GRM3: variants seen among roughly 807,000 people sequenced by gnomAD.
The protein encoded by GRM3 is glutamate metabotropic receptor 3.
GRM3 carries 26 observed loss-of-function variants against 70.5 expected under a neutral mutation model. That is an observed-to-expected ratio of 0.37 (90% confidence interval 0.27 to 0.51). The LOEUF (loss-of-function observed/expected upper bound fraction) is 0.51, where lower values mean the gene tolerates loss of function less well. GRM3 is among the 20% of genes least tolerant of loss of function. The pLI is 0.93. For synonymous variants in GRM3, 443 were observed against 434.9 expected, an observed-to-expected ratio of 1.02 and a Z score of -0.23; for missense variants, 859 against 1,123.8, an observed-to-expected ratio of 0.76 and a Z score of 3.37.
chr7:86,805,745 T>C (rs756237575), intron 3 of GRM3, among the ~76,000 whole-genome samples: 3 of 152,200 alleles, frequency 2.0e-5, no homozygotes, highest in Non-Finnish European at 2.9e-5. Context: ...TTGCATCATA[T>C]CTTTTTTATT....
intron 4 of GRM3, among the ~76,000 whole-genome samples, chr7:86,842,209 C>T (rs1432537311): frequency 3.3e-5 from 5 of 152,200 alleles, no homozygotes; most frequent in Non-Finnish European, 7.3e-5. Context: ...AGGATTGAAA[C>T]CCTCAGCTCT....
intron 1 of GRM3, among the ~76,000 whole-genome samples, chr7:86,707,021 T>C (rs993314774): frequency 2.6e-5 from 4 of 151,712 alleles, no homozygotes; most frequent in African/African-American, 9.7e-5. Context: ...GGAAATATAC[T>C]TCCCTAGAAT....
intron 1 of GRM3, among the ~76,000 whole-genome samples, chr7:86,657,900 C>CA (rs1351435095): frequency 6.6e-6 from 1 of 152,112 alleles, no homozygotes; most frequent in African/African-American, 2.4e-5. Flanking sequence ...CCTTCTTCTA[C>CA]AATAGAAAAG....
chr7:86,852,410 G>A (rs1033855594), intron 5 of GRM3, among the ~76,000 whole-genome samples: 1 of 152,092 alleles, frequency 6.6e-6, no homozygotes, highest in Non-Finnish European at 1.5e-5. Context: ...GGGATAGCAA[G>A]GGCACTTTCT....
intron 1 of GRM3, among the ~76,000 whole-genome samples, chr7:86,760,615 C>A (rs557005749): frequency 1.3e-5 from 2 of 152,092 alleles, no homozygotes; most frequent in East Asian, 3.9e-4. Context: ...ATAACAGTGG[C>A]ATTGAATTAA....
rs10276885 is a variant in GRM3, at chr7:86,655,459, C to A, written c.-141+10587C>A. Among the ~76,000 whole-genome samples, 543 of 152,104 alleles carry A rather than the reference C, an allele frequency of 3.6e-3. 2 individuals carry two copies. Among genetic ancestry groups the A allele is most frequent in the African/African-American group, 0.012 (514 of 41,440 alleles). ...GCAAATTTATTTTTATTTCTCACTGCCCCTTTAAAAGGTATTCAGTAAAAT... is the reference window on the plus strand; with the variant it reads ...GCAAATTTATTTTTATTTCTCACTGACCCTTTAAAAGGTATTCAGTAAAAT... On this transcript the variant is annotated intron_variant, in intron 1 of 5. Coordinates refer to ENST00000361669, the MANE Select transcript of GRM3 (RefSeq NM_000840.3).
At chr7:86,650,971 G>A (rs902448254) in intron 1 of GRM3, among the ~76,000 whole-genome samples, 1 of 152,102 alleles carries the variant, frequency 6.6e-6, no homozygotes, top group East Asian at 1.9e-4. Flanking sequence ...TTTACACATC[G>A]GGACATTTAT....
At chr7:86,858,728 G>C (rs1798898350) in intron 5 of GRM3, among the ~76,000 whole-genome samples, 1 of 152,152 alleles carries the variant, frequency 6.6e-6, no homozygotes, top group South Asian at 2.1e-4. Context: ...CATTAAAAAG[G>C]GTCATGACAT....
In GRM3 at chr7:86,671,362, T is replaced by C. The variant is rs1394352938; in HGVS notation, c.-141+26490T>C. On this transcript the variant is annotated intron_variant, in intron 1 of 5. Transcript: ENST00000361669. ...GTTTGTCCTGTCAGATTTTTAATAT[T>C]CAAGGGTAAATAACTGTTCTGTTTC... Among the ~76,000 whole-genome samples the C allele has an allele frequency of 2.6e-5, 4 of 152,222 alleles. No homozygotes were observed. In the East Asian group the frequency reaches 7.7e-4, roughly 29 times the overall value.
intron 1 of GRM3, among the ~76,000 whole-genome samples, chr7:86,693,960 T>G (rs1794752596): frequency 6.6e-6 from 1 of 152,216 alleles, no homozygotes; most frequent in Non-Finnish European, 1.5e-5. Flanking sequence ...TTTACTACAA[T>G]TTCATGTTTC....
intron 1 of GRM3, among the ~76,000 whole-genome samples, chr7:86,724,119 TTTCCAATA>T (rs1795537050): frequency 6.6e-6 from 1 of 152,162 alleles, no homozygotes; most frequent in Non-Finnish European, 1.5e-5. Flanking sequence ...CAATTAACGC[TTTCCAATA>T]ACATGAGCAG....
chr7:86,705,447 T>G (rs1157654662), intron 1 of GRM3, among the ~76,000 whole-genome samples: 3 of 152,038 alleles, frequency 2.0e-5, no homozygotes, highest in African/African-American at 7.2e-5. Context: ...GAATAAGTAA[T>G]TTGAAAATCA....
intron 5 of GRM3, among the ~76,000 whole-genome samples, chr7:86,853,730 T>C (rs1798796425): frequency 6.6e-6 from 1 of 152,194 alleles, no homozygotes; most frequent in African/African-American, 2.4e-5. Context: ...ACTTTATCTA[T>C]TCCTGCATAA....
intron 3 of GRM3, among the ~76,000 whole-genome samples, chr7:86,821,886 A>AT (rs1299304718): frequency 3.3e-5 from 5 of 151,354 alleles, no homozygotes; most frequent in Admixed American, 2.0e-4. Flanking sequence ...AATTAGTGGG[A>AT]TTTTTCCCCA....
At chr7:86,842,364 C>A (rs1042049171) in intron 4 of GRM3, among the ~76,000 whole-genome samples, 1 of 152,058 alleles carries the variant, frequency 6.6e-6, no homozygotes, top group Non-Finnish European at 1.5e-5. Flanking sequence ...AAACGTAAGC[C>A]CAAATTCCCA....
In GRM3 at chr7:86,765,418, G is replaced by A. The variant is rs150518450; in HGVS notation, c.273G>A (p.Leu91=). 1 of 1,613,908 alleles carries A rather than the reference G, an allele frequency of 6.2e-7. No homozygotes were observed. The highest frequency in any genetic ancestry group is 1.7e-5 in the Admixed American group (1 of 60,000). ...ATTACTTGCTACCAGGAGTGAAGTT[G>A]GGTGTTCACATTTTGGATACATGTT... ...KDDYLLPGVK[L]GVHILDTCSR... is the part of the protein sequence containing the mutation. Residue 91 remains leucine, a synonymous_variant, in exon 2 of 6, where the codon TTG becomes TTA. Coordinates refer to ENST00000361669, the MANE Select transcript of GRM3 (RefSeq NM_000840.3).
At chr7:86,728,003 G>A (rs1795631207) in intron 1 of GRM3, among the ~76,000 whole-genome samples, 1 of 152,052 alleles carries the variant, frequency 6.6e-6, no homozygotes, top group Admixed American at 6.6e-5. Context: ...AACATCAAGA[G>A]GTGGAATATT....
intron 1 of GRM3, among the ~76,000 whole-genome samples, chr7:86,700,018 A>T (rs932331961): frequency 6.6e-6 from 1 of 151,994 alleles, no homozygotes; most frequent in African/African-American, 2.4e-5. Flanking sequence ...CTCGTCTTAA[A>T]CTTCGTGAAT....
chr7:86,736,683 G>C (rs1054081814), intron 1 of GRM3, among the ~76,000 whole-genome samples: 2 of 152,112 alleles, frequency 1.3e-5, no homozygotes, highest in Admixed American at 1.3e-4. Flanking sequence ...AAAGAGCAAA[G>C]AAACCTTCCA....
Sources: allele counts gnomAD v4.1 joint callset (sites outside exome capture counted in the v4.1 genomes callset), GRCh38; gene constraint gnomAD v4.1.1; transcripts MANE v1.5; gene names NCBI Gene and HGNC (gene_info 2026-07-23, HGNC 2026-07-21).